The following TNRC6B variants were observed in gnomAD, a reference collection of about 807,000 sequenced individuals.
TNRC6B encodes trinucleotide repeat containing adaptor 6B, also known as trinucleotide repeat-containing gene 6B protein.
Under a neutral mutation model 203.6 loss-of-function variants are expected in TNRC6B, and 52 were observed. The ratio of observed to expected loss-of-function variants is 0.26; its 90% CI spans 0.20 to 0.32. TNRC6B has a LOEUF of 0.32. TNRC6B is among the 10% of genes least tolerant of loss of function. The pLI is 1.00. For synonymous variants in TNRC6B, 838 were observed against 845.7 expected (o/e 0.99, Z 0.16); for missense variants, 1,923 against 2,286.2 (o/e 0.84, Z 3.24).
intron 4 of TNRC6B, among the ~76,000 whole-genome samples, chr22:40,156,793 C>G (rs949197540): frequency 4.9e-5 from 7 of 141,422 alleles, no homozygotes; most frequent in Non-Finnish European, 3.0e-5. Context: ...GAGTATCACT[C>G]TTGTCACCCA....
At chr22:40,082,118 G>A (rs144654811) in intron 1 of TNRC6B, among the ~76,000 whole-genome samples, 1 of 152,168 alleles carries the variant, frequency 6.6e-6, no homozygotes, top group East Asian at 1.9e-4. Flanking sequence ...AAAAATCCTA[G>A]AAGTTTTGGG....
chr22:40,135,219 G>A (rs1206320465), intron 3 of TNRC6B, among the ~76,000 whole-genome samples: 1 of 152,176 alleles, frequency 6.6e-6, no homozygotes, highest in Non-Finnish European at 1.5e-5. Context: ...ACCCAGCTTT[G>A]CTTCTTCCCC....
At position 40,113,199 on chromosome 22, in the gene TNRC6B, A is replaced by G. The variant is rs1243237037; in HGVS notation, c.-120-3856A>G. Among the ~76,000 whole-genome samples the G allele has an allele frequency of 2.6e-5, 4 of 152,362 alleles. No individual in the cohort carries two copies. In the East Asian group the frequency reaches 7.7e-4, roughly 29 times the overall value. Reference sequence around the variant, plus strand: ...TAAGGTTAAAGAGGATGTTTTTAGGAATGGACAGACAGTATTTTTACAGAA... The same window carrying G: ...TAAGGTTAAAGAGGATGTTTTTAGGGATGGACAGACAGTATTTTTACAGAA... On this transcript the variant is annotated intron_variant, in intron 1 of 23. Transcript: ENST00000301923.
rs528268284 is a variant in TNRC6B, at chr22:40,137,526, C to T, written c.45+11664C>T. On this transcript the variant is annotated intron_variant, in intron 3 of 23. Coordinates refer to the TNRC6B transcript ENST00000301923. The stretch of plus-strand genomic sequence containing the variant: ...CTAAGAAGGGAGAGGGTGCTTTGTG[C>T]GTATTCAGAGCCACACATTTCTCCG... Among the ~76,000 whole-genome samples, 5 of 152,208 alleles carry T rather than the reference C, an allele frequency of 3.3e-5. No homozygotes were observed. The South Asian group carries it at 8.3e-4, about 25-fold the overall frequency.
Position 40,266,763 on chromosome 22 carries a change from C to G in TNRC6B, c.2533C>G (p.Pro845Ala). ...EASGSWGGPP[P>A]PPPGNVRPSN... Reference sequence around the variant, plus strand: ...TTCTGGTTCGTGGGGAGGCCCACCCCCACCACCTCCAGGCAACGTTCGACC... The same window carrying G: ...TTCTGGTTCGTGGGGAGGCCCACCCGCACCACCTCCAGGCAACGTTCGACC... The change falls in exon 5 of 23, where the codon CCA becomes GCA. Residue 845 changes from proline to alanine, a missense_variant. Physicochemically the swap from Pro to Ala is conservative, Grantham distance 27 (BLOSUM62 -1). This residue lies in a region of TNRC6B where 599 missense variants were observed against 656.5 expected (regional missense o/e 0.91). Transcript: ENST00000454349. 1 of 1,613,550 alleles carries G rather than the reference C, an allele frequency of 6.2e-7. No individual in the cohort carries two copies.
intron 1 of TNRC6B, among the ~76,000 whole-genome samples, chr22:40,099,111 A>C (rs2068211094): frequency 2.6e-5 from 4 of 151,940 alleles, no homozygotes; most frequent in Non-Finnish European, 4.4e-5. Context: ...TTAGCCGGGC[A>C]CCGTGGTGGA....
At chr22:40,169,564 T>G (rs1462640259) in intron 4 of TNRC6B, among the ~76,000 whole-genome samples, 2 of 152,224 alleles carry the variant, frequency 1.3e-5, no homozygotes, top group Non-Finnish European at 2.9e-5. Context: ...TTACATACTT[T>G]TCTCCACCTC....
chr22:40,319,173 C>T (rs1487460829), intron 21 of TNRC6B, among the ~76,000 whole-genome samples: 1 of 151,864 alleles, frequency 6.6e-6, no homozygotes, highest in East Asian at 1.9e-4. Flanking sequence ...TTCCTAAAAG[C>T]AGACTAATCT....
intron 2 of TNRC6B, 162 bp downstream of exon 2, chr22:40,246,264 A>C: frequency 4.4e-6 from 2 of 458,300 alleles, no homozygotes; most frequent in East Asian, 4.0e-5. Context: ...ATCTTGGCTC[A>C]CTACAACCTC....
chr22:40,046,160 C>T (rs912421903), intron 1 of TNRC6B, among the ~76,000 whole-genome samples: 2 of 152,230 alleles, frequency 1.3e-5, no homozygotes, highest in Admixed American at 1.3e-4. Flanking sequence ...ATAGAGGTTA[C>T]TTCTCTCTTC....
chr22:40,227,157 G>A (rs911074058), intron 1 of TNRC6B, among the ~76,000 whole-genome samples: 3 of 149,054 alleles, frequency 2.0e-5, no homozygotes, highest in Admixed American at 6.7e-5. Context: ...TGTTGGCCAG[G>A]CTGGTCTCAA....
chr22:40,322,412 A>G (rs983248580), intron 22 of TNRC6B, among the ~76,000 whole-genome samples: 2 of 152,194 alleles, frequency 1.3e-5, no homozygotes, highest in Non-Finnish European at 2.9e-5. Flanking sequence ...CTTGTACAGT[A>G]TATGGTTTTG....
Position 40,273,664 on chromosome 22 carries a change from TTTTG to T in TNRC6B, c.3141+72_3141+75del, listed in dbSNP as rs531141836. ...CTGAGAAGGCAGAACTGAGGTTTTG[TTTTG>T]TTTGTTTTTGTTTTGAGACAAGTTC... On this transcript the variant is annotated intron_variant, in intron 7 of 22. Transcript: ENST00000454349. 4,707 of 1,452,240 alleles carry T rather than the reference TTTTG, an allele frequency of 3.2e-3. 20 individuals are homozygous for T. The highest frequency in any genetic ancestry group is 5.9e-3 in the Middle Eastern group (26 of 4,402). The allele number at this position is 1,452,240 out of a possible 1,614,324, so 90.0% of individuals were successfully genotyped here.
intron 3 of TNRC6B, among the ~76,000 whole-genome samples, chr22:40,154,840 C>A (rs1320185679): frequency 7.9e-4 from 23 of 29,236 alleles, no homozygotes; most frequent in South Asian, 2.4e-3. Context: ...GACTCTATCT[C>A]AAAAAAAAAA....
intron 3 of TNRC6B, among the ~76,000 whole-genome samples, chr22:40,143,733 T>C (rs1320310806): frequency 6.6e-6 from 1 of 152,184 alleles, no homozygotes; most frequent in South Asian, 2.1e-4. Flanking sequence ...CCTGACCTCG[T>C]GATCCGCCCG....
chr22:40,331,407 C>G lies in TNRC6B; in HGVS notation c.*8166C>G, dbSNP rs1022702636. ...TTTTAAACAATTTCACCTCTTCTCCCCACTCCTATCTTCTAAAGAAATATC... is the reference window on the plus strand; with the variant it reads ...TTTTAAACAATTTCACCTCTTCTCCGCACTCCTATCTTCTAAAGAAATATC... On this transcript the variant is annotated 3_prime_UTR_variant, in exon 23 of 23. Transcript: ENST00000454349. 3 of 307,600 alleles carry G rather than the reference C, an allele frequency of 9.8e-6. No individual in the cohort carries two copies. The highest frequency in any genetic ancestry group is 1.2e-5 in the Non-Finnish European group (2 of 168,508). 19.1% of individuals were successfully genotyped at this position (307,600 alleles called of 1,614,324 possible). A position where few individuals can be genotyped will look rare whatever the true frequency, so the allele number is the denominator to read the frequency against.
intron 1 of TNRC6B, among the ~76,000 whole-genome samples, chr22:40,200,785 G>C (rs894392866): frequency 5.3e-5 from 8 of 152,076 alleles, no homozygotes; most frequent in African/African-American, 1.9e-4. Context: ...GAATTACAAT[G>C]GTCATCAGTC....
At chr22:40,253,638 G>C (rs1175693320) in intron 3 of TNRC6B, 1 of 456,236 alleles carries the variant, frequency 2.2e-6, no homozygotes, top group Non-Finnish European at 4.4e-6. Context: ...AGGGAGGTGA[G>C]AGGCCATTTC....
Position 40,335,570 on chromosome 22 carries a change from C to T in TNRC6B, c.*12329C>T, listed in dbSNP as rs548060891. On this transcript the variant is annotated 3_prime_UTR_variant, in exon 23 of 23. Transcript: ENST00000454349. The stretch of plus-strand genomic sequence containing the variant: ...GTTGAGTAATAAGGAATTAAGTCGT[C>T]GTCATTTCATTAAAACTGAGAGATG... 4.7e-5 allele frequency: 7 copies of T among 150,008 alleles called. No homozygotes were observed. In the East Asian group the frequency reaches 5.8e-4, roughly 13 times the overall value. The allele number at this position is 150,008 out of a possible 1,614,324, so 9.3% of individuals were successfully genotyped here.
Sources: allele counts gnomAD v4.1 joint callset (sites outside exome capture counted in the v4.1 genomes callset), GRCh38; gene constraint gnomAD v4.1.1; regional missense constraint gnomAD v4.1.1; transcripts MANE v1.5; gene names NCBI Gene and HGNC (gene_info 2026-07-23, HGNC 2026-07-21).